ASTN2: variants seen among roughly 807,000 people sequenced by gnomAD.
The protein encoded by ASTN2 is astrotactin 2.
Under a neutral mutation model 139.8 loss-of-function variants are expected in ASTN2, and 54 were observed. That is an observed-to-expected ratio of 0.39 (90% confidence interval 0.31 to 0.48). ASTN2 has a LOEUF of 0.48. Ranked by LOEUF, ASTN2 falls within the 20% of genes least tolerant of loss-of-function variation. The pLI, the probability that ASTN2 is intolerant of heterozygous loss-of-function variation, is 0.95. For synonymous variants in ASTN2, 756 were observed against 719.5 expected, an observed-to-expected ratio of 1.05 and a Z score of -0.81; for missense variants, 1,565 against 1,725.1, an observed-to-expected ratio of 0.91 and a Z score of 1.64.
chr9:117,229,354 C>A (rs1832817945), intron 2 of ASTN2, among the ~76,000 whole-genome samples: 1 of 152,184 alleles, frequency 6.6e-6, no homozygotes, highest in African/African-American at 2.4e-5. Context: ...AAGTCCTGCT[C>A]CCCACATTCC....
intron 1 of ASTN2, among the ~76,000 whole-genome samples, chr9:117,368,659 T>C (rs186341025): frequency 1.7e-4 from 26 of 152,302 alleles, no homozygotes; most frequent in Non-Finnish European, 3.1e-4. Flanking sequence ...TTCTATACTA[T>C]TCGTCAGAAC....
Position 117,181,263 on chromosome 9 carries a change from T to G in ASTN2, c.1015+33095A>C, listed in dbSNP as rs1276584286. The G allele has an allele frequency of 2.0e-5, 10 of 488,914 alleles. No homozygotes were observed. In the South Asian group the frequency reaches 2.6e-4, roughly 13 times the overall value. 30.3% of individuals were successfully genotyped at this position (488,914 alleles called of 1,614,324 possible). On this transcript the variant is annotated intron_variant, in intron 3 of 22. Coordinates refer to ENST00000313400, the MANE Select transcript of ASTN2 (RefSeq NM_001365068.1). ...TATAAGCTGAGAATGCTCACATAAC[T>G]ATTTCAGAGATGGGGAAACTGAAGC... is the stretch of plus-strand genomic sequence containing the variant.
At chr9:116,606,034 C>T (rs938076471) in intron 19 of ASTN2, among the ~76,000 whole-genome samples, 4 of 152,126 alleles carry the variant, frequency 2.6e-5, no homozygotes, top group African/African-American at 9.7e-5. Context: ...GCCTGTGCCT[C>T]GGCCCAGCTT....
intron 10 of ASTN2, among the ~76,000 whole-genome samples, chr9:116,913,819 G>A (rs189765228): frequency 1.4e-3 from 208 of 151,984 alleles, no homozygotes; most frequent in African/African-American, 4.8e-3. Flanking sequence ...GTGAGAAGGT[G>A]AGTGGAGCCA....
At chr9:117,285,734 G>A (rs920523640) in intron 2 of ASTN2, among the ~76,000 whole-genome samples, 2 of 152,152 alleles carry the variant, frequency 1.3e-5, no homozygotes, top group African/African-American at 4.8e-5. Context: ...CTACTCCACC[G>A]ATGGATAGCT....
intron 1 of ASTN2, among the ~76,000 whole-genome samples, chr9:117,298,702 ATGTGTGTGTG>A (rs60775898): frequency 1.0e-4 from 14 of 136,230 alleles, no homozygotes; most frequent in Admixed American, 7.6e-5. Context: ...GTGCATATGT[ATGTGTGTGTG>A]TGTGTGTGTG....
At chr9:116,574,048 AAG>A (rs1167001451) in intron 19 of ASTN2, among the ~76,000 whole-genome samples, 2 of 152,166 alleles carry the variant, frequency 1.3e-5, no homozygotes, top group Non-Finnish European at 2.9e-5. Context: ...TTCCCAGGGG[AAG>A]TGAATTTTAG....
At chr9:117,113,142 C>T (rs553297027) in intron 4 of ASTN2, among the ~76,000 whole-genome samples, 1 of 152,306 alleles carries the variant, frequency 6.6e-6, no homozygotes, top group African/African-American at 2.4e-5. Flanking sequence ...CAGATGAAAA[C>T]ATGCATCATG....
chr9:116,681,556 T>C lies in ASTN2; in HGVS notation c.2807-29763A>G, dbSNP rs562712730. On this transcript the variant is annotated intron_variant, in intron 16 of 22. Coordinates refer to ENST00000313400, the MANE Select transcript of ASTN2 (RefSeq NM_001365068.1). ...GTTCATATGGAACCAAAAAAGAGCC[T>C]GCATTGCCAAGTCAATCCTAAGCCA... is the stretch of plus-strand genomic sequence containing the variant. 1.8e-4 allele frequency among the ~76,000 whole-genome samples: 28 copies of C among 152,252 alleles called. No homozygotes were observed. In the South Asian group the frequency reaches 5.4e-3, roughly 29 times the overall value.
chr9:116,756,203 G>A (rs1367570974), intron 13 of ASTN2, among the ~76,000 whole-genome samples: 2 of 152,134 alleles, frequency 1.3e-5, no homozygotes, highest in Admixed American at 1.3e-4. Context: ...TCACTGTTCT[G>A]TCCAAATGAG....
rs117314536 is a variant in ASTN2 at position 117,411,044 on chromosome 9, A to G, written c.442+3453T>C. 3.3e-3 allele frequency among the ~76,000 whole-genome samples: 505 copies of G among 152,260 alleles called. 2 individuals are homozygous for G. The highest frequency in any genetic ancestry group is 6.7e-3 in the Admixed American group (103 of 15,300). Reference sequence around the variant, plus strand: ...GTTCAGAATACCAGTTTAGCAACCTACAAGAATGTAGGTGTCTGGCAGACC... The same window carrying G: ...GTTCAGAATACCAGTTTAGCAACCTGCAAGAATGTAGGTGTCTGGCAGACC... On this transcript the variant is annotated intron_variant, in intron 1 of 22. Coordinates refer to ENST00000313400, the MANE Select transcript of ASTN2 (RefSeq NM_001365068.1).
At chr9:116,462,204 A>G (rs1451666519) in intron 20 of ASTN2, among the ~76,000 whole-genome samples, 1 of 152,140 alleles carries the variant, frequency 6.6e-6, no homozygotes. Flanking sequence ...AAACCTTTGA[A>G]CTGATGAAGC....
intron 1 of ASTN2, among the ~76,000 whole-genome samples, chr9:117,343,912 G>T (rs990452582): frequency 6.6e-6 from 1 of 152,102 alleles, no homozygotes; most frequent in African/African-American, 2.4e-5. Context: ...GATCAAGGAA[G>T]GCAGCAAGGA....
At chr9:117,342,772 A>T (rs1829100534) in intron 1 of ASTN2, among the ~76,000 whole-genome samples, 1 of 152,220 alleles carries the variant, frequency 6.6e-6, no homozygotes, top group South Asian at 2.1e-4. Context: ...ATAACAAATA[A>T]GAATGGGTTA....
At chr9:116,866,932 A>T (rs1166428496) in intron 10 of ASTN2, among the ~76,000 whole-genome samples, 1 of 150,994 alleles carries the variant, frequency 6.6e-6, no homozygotes, top group African/African-American at 2.4e-5. Flanking sequence ...GACCTGAGAA[A>T]GTGAGAGAAC....
intron 19 of ASTN2, among the ~76,000 whole-genome samples, chr9:116,599,337 C>T (rs1201316603): frequency 6.6e-6 from 1 of 152,190 alleles, no homozygotes; most frequent in Admixed American, 6.5e-5. Context: ...CACTGGTTTG[C>T]TATCTCTAAG....
intron 10 of ASTN2, among the ~76,000 whole-genome samples, chr9:116,885,574 G>A (rs1204807662): frequency 6.6e-6 from 1 of 152,148 alleles, no homozygotes; most frequent in Non-Finnish European, 1.5e-5. Context: ...GCTGAGGCAG[G>A]GGAATCTCTT....
chr9:117,047,352 C>A (rs143040347), intron 5 of ASTN2, among the ~76,000 whole-genome samples: 2,166 of 152,106 alleles, frequency 0.014, 21 homozygotes, highest in South Asian at 0.049. Flanking sequence ...TTGTCTCTCC[C>A]CATTTCTCCC....
chr9:116,476,644 G>A (rs114115597), intron 20 of ASTN2, among the ~76,000 whole-genome samples: 125 of 152,302 alleles, frequency 8.2e-4, no homozygotes, highest in African/African-American at 2.9e-3. Flanking sequence ...ACAAATATGC[G>A]CTTTTCTTGA....
Sources: allele counts gnomAD v4.1 joint callset (sites outside exome capture counted in the v4.1 genomes callset), GRCh38; gene constraint gnomAD v4.1.1; transcripts MANE v1.5; gene names NCBI Gene and HGNC (gene_info 2026-07-23, HGNC 2026-07-21).